Variants in MYH13 observed in about 807,000 individuals in gnomAD.
The protein encoded by MYH13 is myosin-13.
In MYH13, 177 loss-of-function variants were observed where a neutral mutation model predicts 232.1. That is an observed-to-expected ratio of 0.76 (90% CI 0.67 to 0.86). The LOEUF (loss-of-function observed/expected upper bound fraction) is 0.86, where lower values mean the gene tolerates loss of function less well. MYH13 is among the 40% of genes least tolerant of loss of function. MYH13 has a pLI of 0.00. For synonymous variants in MYH13, 884 were observed against 923.5 expected (o/e 0.96, Z 0.78); for missense variants, 2,246 against 2,405.9 (o/e 0.93, Z 1.39).
chr17:10,322,667 T>C (rs1390242275), intron 23 of MYH13, among the ~76,000 whole-genome samples: 1 of 132,726 alleles, frequency 7.5e-6, no homozygotes, highest in Non-Finnish European at 1.6e-5. Flanking sequence ...GGAGTCTCAC[T>C]CTGTCGCCCA....
chr17:10,322,629 TG>T (rs1400752382), intron 23 of MYH13, among the ~76,000 whole-genome samples: 27 of 136,498 alleles, frequency 2.0e-4, no homozygotes, highest in Non-Finnish European at 2.0e-4. Context: ...ATGTTACAGT[TG>T]TTTTTTTTTT....
In MYH13 at chr17:10,312,758, C is replaced by T. The variant is rs201340879; in HGVS notation, c.4182-1G>A. 1.2e-6 allele frequency: 2 copies of T among 1,602,912 alleles called. No homozygotes were observed. Among genetic ancestry groups the T allele is most frequent in the African/African-American group, 1.3e-5 (1 of 74,176 alleles). On this transcript the variant is annotated splice_acceptor_variant, in intron 30 of 40. Transcript: ENST00000252172. LOFTEE classifies it high-confidence loss of function. ...CTGGAGCCTCTGGGCCAGTTTTTTCCTACGAAAACCAGATTTTTTTTTTCC... is the reference window on the plus strand; with the variant it reads ...CTGGAGCCTCTGGGCCAGTTTTTTCTTACGAAAACCAGATTTTTTTTTTCC...
chr17:10,362,316 C>T (rs1340491440), intron 4 of MYH13, 42 bp from the exon 5 acceptor site: 1 of 1,613,880 alleles, frequency 6.2e-7, no homozygotes. Flanking sequence ...CTCGTTTTTA[C>T]TCAGAGAGAG....
intron 2 of MYH13, among the ~76,000 whole-genome samples, chr17:10,370,414 A>G (rs1363883895): frequency 6.6e-6 from 1 of 152,210 alleles, no homozygotes; most frequent in Non-Finnish European, 1.5e-5. Flanking sequence ...ACCACCCTCT[A>G]GAGTTTCCTT....
At chr17:10,350,490 C>G in intron 12 of MYH13, 66 bp downstream of exon 12, 2 of 1,557,566 alleles carry the variant, frequency 1.3e-6, no homozygotes, top group Non-Finnish European at 1.7e-6. Flanking sequence ...CAGTTTATCT[C>G]ACACGGCCTC....
intron 7 of MYH13, among the ~76,000 whole-genome samples, chr17:10,358,311 G>C (rs1318046286): frequency 6.6e-6 from 1 of 152,156 alleles, no homozygotes; most frequent in African/African-American, 2.4e-5. Flanking sequence ...TTATGAGAAT[G>C]ATTATTCAGA....
In MYH13 at chr17:10,355,123, C is replaced by T; in HGVS notation, c.763G>A (p.Gly255Arg). ...RFGKFIRIHFGATGKLASADI... is the reference protein window; with the variant it reads ...RFGKFIRIHFRATGKLASADI... ...GCCGATGCCAGCTTTCCTGTGGCTC[C>T]AAAATGAATCCGAATGAACTTCCCC... The change falls in exon 9 of 41, where the codon GGA becomes AGA. Residue 255 changes from glycine (G) to arginine (R), a missense_variant. Gly to Arg is a moderately radical substitution (Grantham distance 125). Coordinates refer to ENST00000252172, the MANE Select transcript of MYH13 (RefSeq NM_003802.3). 6.3e-7 allele frequency: 1 copy of T among 1,586,462 alleles called. No homozygotes were observed. The highest frequency in any genetic ancestry group is 8.6e-7 in the Non-Finnish European group (1 of 1,164,934).
chr17:10,362,242 G>A lies in MYH13; in HGVS notation c.381C>T (p.Asn127=), dbSNP rs2071799662. The change falls in exon 5 of 41, where the codon AAC becomes AAT. Residue 127 remains asparagine (N), a synonymous_variant. Transcript: ENST00000252172. ...TGTACACCGGCAGCCACTTGTAGGG[G>A]TTGACGGTGACACAGAAGAGGCCTG... ...TYSGLFCVTV[N]PYKWLPVYKP... 2 of 1,613,768 alleles carry A rather than the reference G, an allele frequency of 1.2e-6. No homozygotes were observed. The highest frequency in any genetic ancestry group is 1.3e-5 in the African/African-American group (1 of 75,018).
chr17:10,367,956 G>A (rs1374641257), intron 2 of MYH13, among the ~76,000 whole-genome samples: 1 of 152,114 alleles, frequency 6.6e-6, no homozygotes, highest in Non-Finnish European at 1.5e-5. Context: ...GTTGCAATGC[G>A]GAATCTGAAG....
At chr17:10,319,352 T>C (rs1025568086) in intron 26 of MYH13, among the ~76,000 whole-genome samples, 173 bp from the exon 27 acceptor site, 3 of 151,692 alleles carry the variant, frequency 2.0e-5, no homozygotes, top group African/African-American at 7.3e-5. Context: ...CTACTAAAAA[T>C]ACAAAAATTA....
rs771102826 is a variant in MYH13 at position 10,304,969 on chromosome 17, C to T, written c.5467-1471G>A. ...AATCCCAGTGGCTGCAGAGCAGGGC[C>T]AACTCTGGGCTTGGAGACTCACTAG... On this transcript the variant is annotated intron_variant, in intron 37 of 40. Coordinates refer to ENST00000252172, the MANE Select transcript of MYH13 (RefSeq NM_003802.3). This position sits in a 1 kb window ranked among gnomAD's most constrained non-coding sequence, Gnocchi z 5.3. Among the ~76,000 whole-genome samples the T allele has an allele frequency of 6.6e-6, 1 of 152,174 alleles. No homozygotes were observed. Among genetic ancestry groups the T allele is most frequent in the Non-Finnish European group, 1.5e-5 (1 of 68,046 alleles).
intron 2 of MYH13, among the ~76,000 whole-genome samples, chr17:10,369,328 T>C (rs1014913557): frequency 1.3e-5 from 2 of 152,256 alleles, no homozygotes; most frequent in Non-Finnish European, 2.9e-5. Context: ...TATTCTATGA[T>C]ATAAATCAGT....
In MYH13 at chr17:10,332,227, G is replaced by A; in HGVS notation, c.2175-5C>T. The A allele has an allele frequency of 6.2e-7, 1 of 1,613,358 alleles. No homozygotes were observed. The highest frequency in any genetic ancestry group is 8.5e-7 in the Non-Finnish European group (1 of 1,179,362). The stretch of plus-strand genomic sequence containing the variant: ...CTGGCATTGAGGATCCGGTACCTAA[G>A]GAGAGAGGACATTTCCCAAATGGAT... On this transcript the variant is annotated splice_region_variant and splice_polypyrimidine_tract_variant and intron_variant, in intron 19 of 40. Coordinates refer to ENST00000252172, the MANE Select transcript of MYH13 (RefSeq NM_003802.3).
chr17:10,311,112 T>A lies in MYH13; in HGVS notation c.4647A>T (p.Glu1549Asp). ...QEKSDLQVAL[E>D]EVEGSLEHEE... Reference sequence around the variant, plus strand: ...TATCCTAGACACTTACCTCCACTTCTTCTAAGGCGACCTGCAGATCTGACT... The same window carrying A: ...TATCCTAGACACTTACCTCCACTTCATCTAAGGCGACCTGCAGATCTGACT... The change falls in exon 33 of 41, where the codon GAA (glutamate) becomes GAT (aspartate). Residue 1549 changes from glutamate to aspartate, a missense_variant. Transcript: ENST00000252172. The A allele has an allele frequency of 6.2e-7, 1 of 1,614,006 alleles. No homozygotes were observed. Among genetic ancestry groups the A allele is most frequent in the Non-Finnish European group, 8.5e-7 (1 of 1,179,888 alleles).
At position 10,312,710 on chromosome 17, in the gene MYH13, G is replaced by C; in HGVS notation, c.4229C>G (p.Thr1410Arg). The C allele has an allele frequency of 6.2e-7, 1 of 1,613,500 alleles. No individual in the cohort carries two copies. Among genetic ancestry groups the C allele is most frequent in the Non-Finnish European group, 8.5e-7 (1 of 1,179,800 alleles). ...RLQEAEENTE[T>R]ANSKCASLEK... is the part of the protein sequence containing the mutation. ...CAACGATGCGCACTTGGAGTTCGCC[G>C]TCTCCGTGTTCTCCTCTGCTTCCTG... Residue 1410 changes from threonine (T) to arginine (R), a missense_variant, in exon 31 of 41, where the codon ACG (threonine) becomes AGG (arginine). Transcript: ENST00000252172.
At position 10,364,487 on chromosome 17, in the gene MYH13, G is replaced by A. The variant is rs1482337210; in HGVS notation, c.44C>T (p.Pro15Leu). Residue 15 changes from proline to leucine, a missense_variant, in exon 3 of 41, where the codon CCC becomes CTC. Coordinates refer to ENST00000252172, the MANE Select transcript of MYH13 (RefSeq NM_003802.3). ...AEMAIFGEAA[P>L]YLRKPEKERI... ...CTCCTTCTCTGGTTTCCGGAGGTAGGGAGCTGCTTCTCCAAAAATGGCCAT... is the reference window on the plus strand; with the variant it reads ...CTCCTTCTCTGGTTTCCGGAGGTAGAGAGCTGCTTCTCCAAAAATGGCCAT... 2 of 1,609,464 alleles carry A rather than the reference G, an allele frequency of 1.2e-6. No homozygotes were observed. Among genetic ancestry groups the A allele is most frequent in the Admixed American group, 1.7e-5 (1 of 59,470 alleles).
intron 11 of MYH13, among the ~76,000 whole-genome samples, chr17:10,351,282 C>A (rs577557132): frequency 6.1e-5 from 9 of 148,454 alleles, no homozygotes; most frequent in African/African-American, 2.2e-4. Flanking sequence ...TTTGGGGGAG[C>A]AGTTTTCTGG....
In MYH13 at chr17:10,320,488, A is replaced by G. The variant is rs1206077296; in HGVS notation, c.3120T>C (p.Gly1040=). ...KLEQQTDDLE[G]SLEQEKKLRA... Reference sequence around the variant, plus strand: ...GCAGTTTCTTCTCCTGCTCTAAGGAACCCTCAAGCTGAGAAGACACACAGG... The same window carrying G: ...GCAGTTTCTTCTCCTGCTCTAAGGAGCCCTCAAGCTGAGAAGACACACAGG... The change falls in exon 25 of 41, where the codon GGT becomes GGC. Residue 1040 remains glycine, a synonymous_variant. Coordinates refer to ENST00000252172, the MANE Select transcript of MYH13 (RefSeq NM_003802.3). 1.2e-6 allele frequency: 2 copies of G among 1,612,490 alleles called. No individual in the cohort carries two copies. Among genetic ancestry groups the G allele is most frequent in the East Asian group, 2.2e-5 (1 of 44,874 alleles).
chr17:10,309,822 C>A lies in MYH13; in HGVS notation c.4665G>T (p.Leu1555Phe). 6.4e-7 allele frequency: 1 copy of A among 1,574,336 alleles called. No homozygotes were observed. Among genetic ancestry groups the A allele is most frequent in the Non-Finnish European group, 8.6e-7 (1 of 1,158,572 alleles). Residue 1555 changes from leucine (L) to phenylalanine (F), a missense_variant, in exon 34 of 41, where the codon TTG (leucine) becomes TTT (phenylalanine). Leu to Phe is a conservative substitution (Grantham distance 22). Coordinates refer to ENST00000252172, the MANE Select transcript of MYH13 (RefSeq NM_003802.3). ...QVALEEVEGSLEHEESKILRV... is the reference protein window; with the variant it reads ...QVALEEVEGSFEHEESKILRV... ...GCAAGATCTTGCTCTCCTCGTGTTCCAAGGAACCCTGACGAAAGCAAAGGA... is the reference window on the plus strand; with the variant it reads ...GCAAGATCTTGCTCTCCTCGTGTTCAAAGGAACCCTGACGAAAGCAAAGGA...
Sources: gnomAD v4.1 joint callset for allele counts (sites outside exome capture counted in the v4.1 genomes callset) on GRCh38, gnomAD v4.1.1 for gene constraint, Gnocchi (gnomAD v3.1) non-coding constraint, MANE v1.5 for transcripts, NCBI Gene and HGNC (gene_info 2026-07-23, HGNC 2026-07-21) for gene names.